The following PRKG1 variants were observed in gnomAD, a reference collection of about 807,000 sequenced individuals.
PRKG1 encodes cGMP-dependent protein kinase 1.
A neutral mutation model predicts 88.1 loss-of-function variants in PRKG1; 35 were observed. That is an observed-to-expected ratio of 0.40 (90% CI 0.30 to 0.53). The LOEUF is 0.53. Among genes scored for constraint, PRKG1 ranks in the 20% least tolerant of loss-of-function variants. PRKG1 has a pLI of 0.59. For missense variants in PRKG1, 540 were observed against 839.8 expected (o/e 0.64, Z 4.41); for synonymous variants, 303 against 292.5 (o/e 1.04, Z -0.37).
At chr10:51,324,571 C>CAAAAAAAAA (rs34429733) in intron 2 of PRKG1, among the ~76,000 whole-genome samples, 324 of 81,824 alleles carry the variant, frequency 4.0e-3, no homozygotes, top group Middle Eastern at 7.1e-3. Flanking sequence ...ACTAAAAATA[C>CAAAAAAAAA]AAAAAAAAAA....
chr10:51,193,704 TC>T (rs1349826013), intron 2 of PRKG1, among the ~76,000 whole-genome samples: 3 of 152,084 alleles, frequency 2.0e-5, no homozygotes, highest in African/African-American at 7.2e-5. Context: ...TATCCCTGGA[TC>T]CAACTTCCCT....
intron 3 of PRKG1, among the ~76,000 whole-genome samples, chr10:51,752,614 T>C (rs1837754819): frequency 6.6e-6 from 1 of 152,316 alleles, no homozygotes; most frequent in South Asian, 2.1e-4. Context: ...TTTCTACGGT[T>C]AAATAGATGC....
chr10:51,636,117 G>T (rs1839649407), intron 3 of PRKG1, among the ~76,000 whole-genome samples: 1 of 152,132 alleles, frequency 6.6e-6, no homozygotes, highest in Non-Finnish European at 1.5e-5. Context: ...TTTCTTTAAA[G>T]CATAAGCTGC....
chr10:52,105,190 GT>G (rs372399083), intron 7 of PRKG1, among the ~76,000 whole-genome samples: 4,441 of 145,648 alleles, frequency 0.03, 176 homozygotes, highest in African/African-American at 0.099. Context: ...AGAGACAACT[GT>G]TTTTTTTTTT....
chr10:51,807,462 A>T (rs533283784), intron 4 of PRKG1, among the ~76,000 whole-genome samples: 2 of 152,310 alleles, frequency 1.3e-5, no homozygotes, highest in Admixed American at 6.5e-5. Flanking sequence ...AGCATTACAG[A>T]TTTATTTAAT....
intron 2 of PRKG1, among the ~76,000 whole-genome samples, chr10:51,174,318 T>A (rs1837132210): frequency 6.6e-6 from 1 of 151,988 alleles, no homozygotes. Flanking sequence ...TGATCATGAA[T>A]GAAATATTTA....
chr10:52,020,469 T>G (rs1845155083), intron 5 of PRKG1, among the ~76,000 whole-genome samples: 1 of 152,118 alleles, frequency 6.6e-6, no homozygotes, highest in Admixed American at 6.5e-5. Context: ...TGGAGGGGCA[T>G]AAGGCAGAAA....
chr10:51,226,536 C>T (rs1178589899), intron 2 of PRKG1, among the ~76,000 whole-genome samples: 1 of 152,124 alleles, frequency 6.6e-6, no homozygotes, highest in Non-Finnish European at 1.5e-5. Context: ...TCAACTGTAG[C>T]AATGTTATTC....
At chr10:51,505,596 G>T (rs950294534) in intron 3 of PRKG1, among the ~76,000 whole-genome samples, 7 of 152,000 alleles carry the variant, frequency 4.6e-5, no homozygotes, top group Admixed American at 2.6e-4. Flanking sequence ...GAATCCATCT[G>T]GTCCTGGACT....
At chr10:51,704,242 C>CAGATAGATAGATAGATAGATAGAT (rs570192025) in intron 3 of PRKG1, among the ~76,000 whole-genome samples, 2 of 150,792 alleles carry the variant, frequency 1.3e-5, no homozygotes, top group African/African-American at 4.9e-5. Context: ...GATAGACAGA[C>CAGATAGATAGATAGATAGATAGAT]AGACAGACAG....
At chr10:51,410,415 C>T (rs114250049) in intron 2 of PRKG1, among the ~76,000 whole-genome samples, 2,688 of 151,898 alleles carry the variant, frequency 0.018, 87 homozygotes, top group African/African-American at 0.062. Flanking sequence ...GTATGATATT[C>T]GAGGGCAGGA....
intron 2 of PRKG1, among the ~76,000 whole-genome samples, chr10:51,421,914 C>T (rs1051810613): frequency 2.0e-5 from 3 of 152,196 alleles, no homozygotes; most frequent in Non-Finnish European, 2.9e-5. Context: ...CTCTCTGAAT[C>T]TTAGTTTTCC....
At position 52,062,584 on chromosome 10, in the gene PRKG1, T is replaced by C. The variant is rs113994747; in HGVS notation, c.888T>C (p.Leu296=). 5,567 of 1,609,342 alleles carry C rather than the reference T, an allele frequency of 3.5e-3. 171 individuals carry two copies. The African/African-American group carries it at 0.067, about 19-fold the overall frequency. ...CACCGAGTGAAGACCCAGTCTTTCT[T>C]AGAACTTTAGGAAAAGGAGACTGGT... ...EDSPSEDPVF[L]RTLGKGDWFG... The change falls in exon 7 of 18, where the codon CTT becomes CTC. Residue 296 remains leucine, a synonymous_variant. Coordinates refer to ENST00000373980, the MANE Select transcript of PRKG1 (RefSeq NM_006258.4).
chr10:51,509,657 G>A (rs980511871), intron 3 of PRKG1, among the ~76,000 whole-genome samples: 1 of 152,092 alleles, frequency 6.6e-6, no homozygotes, highest in South Asian at 2.1e-4. Context: ...TTACAGGCAG[G>A]AGCCTAGCCA....
chr10:51,523,991 T>A (rs1414737734), intron 3 of PRKG1, among the ~76,000 whole-genome samples: 2 of 152,040 alleles, frequency 1.3e-5, no homozygotes, highest in African/African-American at 4.8e-5. Context: ...TTATGAATGG[T>A]TTAGCATCAT....
intron 2 of PRKG1, among the ~76,000 whole-genome samples, chr10:51,210,883 G>A (rs1170572973): frequency 2.0e-5 from 3 of 152,130 alleles, no homozygotes; most frequent in Non-Finnish European, 2.9e-5. Flanking sequence ...TCTACCAGAG[G>A]TACAAGGAGG....
At chr10:51,350,045 A>G (rs1245018054) in intron 2 of PRKG1, among the ~76,000 whole-genome samples, 2 of 152,242 alleles carry the variant, frequency 1.3e-5, no homozygotes, top group Non-Finnish European at 2.9e-5. Flanking sequence ...TCATATAATA[A>G]TAACCATAAA....
intron 3 of PRKG1, among the ~76,000 whole-genome samples, chr10:51,670,400 A>AT (rs906507280): frequency 3.4e-5 from 5 of 149,250 alleles, no homozygotes; most frequent in Admixed American, 2.0e-4. Flanking sequence ...ATTTTTCTTT[A>AT]TTTTTTTTTC....
chr10:51,403,350 T>A (rs77701774), intron 2 of PRKG1, among the ~76,000 whole-genome samples: 1 of 152,150 alleles, frequency 6.6e-6, no homozygotes, highest in African/African-American at 2.4e-5. Flanking sequence ...TTGATTAGAT[T>A]TCTTTAAAGA....
Sources: gnomAD v4.1 joint callset for allele counts (sites outside exome capture counted in the v4.1 genomes callset) on GRCh38, gnomAD v4.1.1 for gene constraint, MANE v1.5 for transcripts, NCBI Gene and HGNC (gene_info 2026-07-23, HGNC 2026-07-21) for gene names.